The following DNER variants were observed in gnomAD, a reference collection of about 807,000 sequenced individuals.
DNER encodes delta and Notch-like epidermal growth factor-related receptor.
In DNER, 33 loss-of-function variants were observed where a neutral mutation model predicts 78.2. The observed-to-expected ratio is 0.42, with a 90% CI of 0.32 to 0.56. The LOEUF (loss-of-function observed/expected upper bound fraction) is 0.56, where lower values mean the gene tolerates loss of function less well. Among genes scored for constraint, DNER ranks in the 20% least tolerant of loss-of-function variants. DNER has a pLI of 0.11. For missense variants in DNER, 918 were observed against 975.3 expected, an observed-to-expected ratio of 0.94 and a Z score of 0.78; for synonymous variants, 417 against 384.8, an observed-to-expected ratio of 1.08 and a Z score of -0.98.
chr2:229,713,632 T>G (rs73097243), intron 1 of DNER, among the ~76,000 whole-genome samples: 22,693 of 152,222 alleles, frequency 0.15, 1,842 homozygotes, highest in African/African-American at 0.21. Flanking sequence ...CTCAAGGGCG[T>G]AGGAAGAGAA....
At chr2:229,526,713 G>C (rs13419323) in intron 5 of DNER, among the ~76,000 whole-genome samples, 32,133 of 152,210 alleles carry the variant, frequency 0.21, 5,331 homozygotes, top group African/African-American at 0.46. Context: ...GCTCGCCACT[G>C]ACTTTCTGCT....
At chr2:229,460,156 CAAAAAAAAA>C (rs5839331) in intron 7 of DNER, among the ~76,000 whole-genome samples, 39 of 85,508 alleles carry the variant, frequency 4.6e-4, no homozygotes, top group African/African-American at 1.3e-3. Context: ...GACTCCGTCT[CAAAAAAAAA>C]AAAAAAAAAA....
chr2:229,504,271 G>A (rs185816175), intron 6 of DNER, among the ~76,000 whole-genome samples: 1 of 151,840 alleles, frequency 6.6e-6, no homozygotes, highest in African/African-American at 2.4e-5. Context: ...CCAGGCTGGA[G>A]TGCAGTGGTG....
At chr2:229,622,551 C>A (rs944016229) in intron 1 of DNER, among the ~76,000 whole-genome samples, 1 of 151,694 alleles carries the variant, frequency 6.6e-6, no homozygotes, top group Non-Finnish European at 1.5e-5. Flanking sequence ...TTAGGAGCCA[C>A]GGACTGTGTT....
At chr2:229,607,629 A>G (rs985053033) in intron 1 of DNER, among the ~76,000 whole-genome samples, 1 of 152,242 alleles carries the variant, frequency 6.6e-6, no homozygotes, top group Non-Finnish European at 1.5e-5. Flanking sequence ...ATAAAAATTT[A>G]TTATAAATCT....
chr2:229,447,539 T>C lies in DNER; in HGVS notation c.1263A>G (p.Gly421=), dbSNP rs372614670. The stretch of plus-strand genomic sequence containing the variant: ...TTTCTTCACAAGCAGATCCGAAGTA[T>C]CCTGTGAAAAAACACATGAGAGCTT... The part of the protein sequence containing the change: ...LSGFTCQCPE[G]YFGSACEEKV... Residue 421 remains glycine, a splice_region_variant and synonymous_variant, in exon 8 of 13, where the codon GGA becomes GGG. Coordinates refer to ENST00000341772, the MANE Select transcript of DNER (RefSeq NM_139072.4). 6 of 1,613,726 alleles carry C rather than the reference T, an allele frequency of 3.7e-6. No individual in the cohort carries two copies. The African/African-American group carries it at 8.0e-5, about 22-fold the overall frequency.
chr2:229,447,488 C>A lies in DNER; in HGVS notation c.1314G>T (p.Pro438=), dbSNP rs757911855. 1 of 1,614,006 alleles carries A rather than the reference C, an allele frequency of 6.2e-7. No homozygotes were observed. Among genetic ancestry groups the A allele is most frequent in the Admixed American group, 1.7e-5 (1 of 59,992 alleles). ...EEKVDPCASS[P]CQNNGTCYVD... The stretch of plus-strand genomic sequence containing the variant: ...CATAGCAGGTGCCGTTGTTCTGGCA[C>A]GGAGACGAGGCGCAGGGGTCCACCT... The change falls in exon 8 of 13, where the codon CCG becomes CCT. Residue 438 remains proline, a synonymous_variant. Transcript: ENST00000341772.
intron 8 of DNER, among the ~76,000 whole-genome samples, chr2:229,429,872 G>A (rs796987238): frequency 3.3e-5 from 5 of 152,244 alleles, no homozygotes; most frequent in African/African-American, 1.2e-4. Context: ...TTAACCTCGG[G>A]GCTGGATCTG....
chr2:229,559,104 G>T (rs144125178), intron 4 of DNER, among the ~76,000 whole-genome samples: 1 of 152,190 alleles, frequency 6.6e-6, no homozygotes, highest in Admixed American at 6.5e-5. Flanking sequence ...TTTGTGGGGG[G>T]TGTGGTGGTA....
intron 2 of DNER, among the ~76,000 whole-genome samples, chr2:229,589,327 A>G (rs1317260458): frequency 6.6e-6 from 1 of 152,188 alleles, no homozygotes; most frequent in Admixed American, 6.5e-5. Context: ...CTTAGATCTT[A>G]TTTTCCAGAA....
chr2:229,623,665 C>T (rs554734333), intron 1 of DNER, among the ~76,000 whole-genome samples: 2 of 152,338 alleles, frequency 1.3e-5, no homozygotes, highest in East Asian at 1.9e-4. Context: ...TACAGAAAGA[C>T]TCCATGGGCT....
chr2:229,509,193 C>T (rs951435722), intron 6 of DNER, among the ~76,000 whole-genome samples: 7 of 152,154 alleles, frequency 4.6e-5, no homozygotes, highest in African/African-American at 1.7e-4. Flanking sequence ...AGATGAATCC[C>T]CTTTGAGAAC....
intron 7 of DNER, among the ~76,000 whole-genome samples, chr2:229,476,052 A>C (rs905442006): frequency 1.3e-5 from 2 of 152,134 alleles, no homozygotes; most frequent in African/African-American, 4.8e-5. Flanking sequence ...TAAATTGCAA[A>C]AGAAGGAGAG....
At chr2:229,577,526 T>G (rs1332525021) in intron 4 of DNER, among the ~76,000 whole-genome samples, 1 of 151,992 alleles carries the variant, frequency 6.6e-6, no homozygotes, top group Non-Finnish European at 1.5e-5. Context: ...CCCCAGCTAC[T>G]CAGGAGGCTG....
chr2:229,390,947 G>A (rs970427656), intron 10 of DNER, among the ~76,000 whole-genome samples: 2 of 152,114 alleles, frequency 1.3e-5, no homozygotes, highest in African/African-American at 2.4e-5. Flanking sequence ...ACCCTCCTAC[G>A]CATCTAGTTG....
intron 1 of DNER, among the ~76,000 whole-genome samples, chr2:229,634,232 T>C (rs1047087737): frequency 1.5e-4 from 23 of 152,218 alleles, no homozygotes; most frequent in African/African-American, 4.8e-4. Context: ...TAGCTATGTC[T>C]GAGTTATGGA....
intron 9 of DNER, among the ~76,000 whole-genome samples, chr2:229,413,321 C>CTTCTTTTTTTTT (rs1693567598): frequency 3.0e-5 from 2 of 67,774 alleles, no homozygotes; most frequent in Non-Finnish European, 5.6e-5. Flanking sequence ...TTTTCTTCTT[C>CTTCTTTTTTTTT]TTTTTTTTTT....
chr2:229,533,107 GA>G (rs759227450), intron 5 of DNER, among the ~76,000 whole-genome samples: 34 of 152,170 alleles, frequency 2.2e-4, no homozygotes, highest in Non-Finnish European at 2.9e-4. Flanking sequence ...ATCAAAGCGA[GA>G]AAAGGCTGAA....
intron 1 of DNER, among the ~76,000 whole-genome samples, chr2:229,598,111 T>C (rs1174111379): frequency 6.6e-6 from 1 of 152,202 alleles, no homozygotes; most frequent in East Asian, 1.9e-4. Context: ...AAAAGGCCCA[T>C]TGATAGGGTC....
Sources: allele counts gnomAD v4.1 joint callset (sites outside exome capture counted in the v4.1 genomes callset), GRCh38; gene constraint gnomAD v4.1.1; transcripts MANE v1.5; gene names NCBI Gene and HGNC (gene_info 2026-07-23, HGNC 2026-07-21).